FOCAD: variants seen among roughly 807,000 people sequenced by gnomAD.
The protein encoded by FOCAD is KIAA1797.
FOCAD carries 198 observed loss-of-function variants against 225.6 expected under a neutral mutation model. The observed-to-expected ratio is 0.88, with a 90% CI of 0.78 to 0.99. The LOEUF (loss-of-function observed/expected upper bound fraction) is 0.99, where lower values mean the gene tolerates loss of function less well. Ranked by LOEUF, FOCAD falls within the 50% of genes least tolerant of loss-of-function variation. The pLI, the probability that FOCAD is intolerant of heterozygous loss-of-function variation, is 0.00. For missense variants in FOCAD, 2,713 were observed against 2,123.6 expected (o/e 1.28, Z -5.46); for synonymous variants, 897 against 755.0 (o/e 1.19, Z -3.08).
chr9:20,907,282 CT>C, intron 22 of FOCAD, 40 bp downstream of exon 22: 1 of 1,489,158 alleles, frequency 6.7e-7, no homozygotes, highest in Non-Finnish European at 9.4e-7. Flanking sequence ...GGCGAAATGT[CT>C]CCTTATCTCA....
At chr9:20,838,700 A>T (rs1253485741) in intron 15 of FOCAD, among the ~76,000 whole-genome samples, 1 of 152,106 alleles carries the variant, frequency 6.6e-6, no homozygotes, top group East Asian at 1.9e-4. Flanking sequence ...TCCAAAGTTT[A>T]TAGATAGCTT....
At chr9:20,739,063 A>G (rs1453375447) in intron 4 of FOCAD, among the ~76,000 whole-genome samples, 2 of 152,148 alleles carry the variant, frequency 1.3e-5, no homozygotes, top group African/African-American at 2.4e-5. Context: ...GTGCAGGTCT[A>G]CTAAGTGGCC....
At chr9:20,758,215 A>C in intron 6 of FOCAD, 24 bp downstream of exon 6, 2 of 1,555,102 alleles carry the variant, frequency 1.3e-6, no homozygotes, top group Non-Finnish European at 8.8e-7. Flanking sequence ...AAAGTGTAAA[A>C]TAAAGTGAGG....
chr9:20,766,700 C>G (rs1251868294), intron 7 of FOCAD, among the ~76,000 whole-genome samples: 1 of 151,950 alleles, frequency 6.6e-6, no homozygotes, highest in Non-Finnish European at 1.5e-5. Context: ...CTTAATCTCT[C>G]CATTGCAAAT....
In FOCAD at chr9:20,842,194, T is replaced by C. The variant is rs556237410; in HGVS notation, c.1920+19079T>C. 4.6e-5 allele frequency among the ~76,000 whole-genome samples: 7 copies of C among 152,132 alleles called. No homozygotes were observed. In the East Asian group the frequency reaches 1.4e-3, roughly 29 times the overall value. On this transcript the variant is annotated intron_variant, in intron 15 of 43. Coordinates refer to ENST00000338382, the MANE Select transcript of FOCAD (RefSeq NM_001375567.1). ...TTGGTCTATCCATGAAAATGATCTCTGTGCTTAGGAGAAGAATGTGTATTT... is the reference window on the plus strand; with the variant it reads ...TTGGTCTATCCATGAAAATGATCTCCGTGCTTAGGAGAAGAATGTGTATTT...
intron 21 of FOCAD, among the ~76,000 whole-genome samples, chr9:20,894,589 C>T (rs12551121): frequency 2.6e-5 from 4 of 151,828 alleles, no homozygotes; most frequent in South Asian, 4.1e-4. Context: ...TATTTTAATT[C>T]GCATATCCCT....
At chr9:20,796,327 C>T (rs1168374049) in intron 11 of FOCAD, among the ~76,000 whole-genome samples, 2 of 152,164 alleles carry the variant, frequency 1.3e-5, no homozygotes, top group Admixed American at 6.5e-5. Context: ...CGGGTATATA[C>T]CCAGTAATGG....
At chr9:20,669,122 A>G (rs11794975) in intron 2 of FOCAD, among the ~76,000 whole-genome samples, 2 of 152,054 alleles carry the variant, frequency 1.3e-5, no homozygotes, top group Non-Finnish European at 2.9e-5. Context: ...CTTGTGCTTC[A>G]CCAAGGACCA....
At chr9:20,842,140 A>G (rs751610968) in intron 15 of FOCAD, among the ~76,000 whole-genome samples, 5 of 150,616 alleles carry the variant, frequency 3.3e-5, no homozygotes, top group Admixed American at 2.0e-4. Context: ...TTTTTTTTCA[A>G]TTTTACAATA....
intron 8 of FOCAD, 45 bp downstream of exon 8, chr9:20,770,283 A>G (rs1390052394): frequency 6.6e-7 from 1 of 1,510,096 alleles, no homozygotes; most frequent in East Asian, 2.3e-5. Context: ...TGCTATTAAG[A>G]AATACCTGAG....
intron 4 of FOCAD, among the ~76,000 whole-genome samples, chr9:20,721,066 T>G (rs558478669): frequency 6.6e-6 from 1 of 152,322 alleles, no homozygotes; most frequent in African/African-American, 2.4e-5. Flanking sequence ...ATTTACAGAC[T>G]GAGGTAATAG....
chr9:20,951,540 G>A (rs1837688520), intron 34 of FOCAD, among the ~76,000 whole-genome samples: 1 of 152,118 alleles, frequency 6.6e-6, no homozygotes, highest in Non-Finnish European at 1.5e-5. Flanking sequence ...AGTTTGTATA[G>A]TATTCATGTT....
At chr9:20,777,774 T>A (rs907160512) in intron 8 of FOCAD, among the ~76,000 whole-genome samples, 4 of 152,268 alleles carry the variant, frequency 2.6e-5, no homozygotes, top group Admixed American at 2.6e-4. Flanking sequence ...ATTATTAAAT[T>A]TAGTATTTTA....
chr9:20,968,123 A>G (rs556297388), intron 35 of FOCAD, among the ~76,000 whole-genome samples: 1 of 152,250 alleles, frequency 6.6e-6, no homozygotes, highest in African/African-American at 2.4e-5. Flanking sequence ...TTGCTGATAC[A>G]ATCTCTTTAC....
At chr9:20,844,303 G>A (rs940986057) in intron 15 of FOCAD, among the ~76,000 whole-genome samples, 3 of 140,494 alleles carry the variant, frequency 2.1e-5, no homozygotes, top group Admixed American at 7.2e-5. Flanking sequence ...TGTTAGAGCT[G>A]TAATGAGATA....
At chr9:20,885,898 T>G (rs1831065770) in intron 21 of FOCAD, among the ~76,000 whole-genome samples, 1 of 152,188 alleles carries the variant, frequency 6.6e-6, no homozygotes, top group African/African-American at 2.4e-5. Flanking sequence ...GCAAAGAGAT[T>G]TATATAGTTC....
intron 37 of FOCAD, among the ~76,000 whole-genome samples, chr9:20,979,718 T>C (rs533439980): frequency 6.6e-6 from 1 of 152,336 alleles, no homozygotes; most frequent in South Asian, 2.1e-4. Context: ...TCTGCATCTT[T>C]CTGTCAGGTA....
At chr9:20,705,989 C>T (rs1824357647) in intron 1 of FOCAD, among the ~76,000 whole-genome samples, 1 of 132,766 alleles carries the variant, frequency 7.5e-6, no homozygotes, top group Admixed American at 8.7e-5. Context: ...GGCTGGAATA[C>T]AGTGGCACAA....
intron 2 of FOCAD, among the ~76,000 whole-genome samples, chr9:20,716,947 A>G (rs141628272): frequency 3.4e-4 from 52 of 152,340 alleles, no homozygotes; most frequent in African/African-American, 1.3e-3. Context: ...GGCACACAGT[A>G]TAATGGTGCA....
Sources: allele counts gnomAD v4.1 joint callset (sites outside exome capture counted in the v4.1 genomes callset), GRCh38; gene constraint gnomAD v4.1.1; transcripts MANE v1.5; gene names NCBI Gene and HGNC (gene_info 2026-07-23, HGNC 2026-07-21).